PDE5A: variants seen among roughly 807,000 people sequenced by gnomAD.
PDE5A encodes the protein phosphodiesterase 5A, also known as cGMP-specific 3',5'-cyclic phosphodiesterase.
A neutral mutation model predicts 110.2 loss-of-function variants in PDE5A; 67 were observed. That is an observed-to-expected ratio of 0.61 (90% confidence interval 0.50 to 0.75). The LOEUF (loss-of-function observed/expected upper bound fraction) is 0.75, where lower values mean the gene tolerates loss of function less well. Ranked by LOEUF, PDE5A falls within the 30% of genes least tolerant of loss-of-function variation. The probability of loss-of-function intolerance (pLI) is 0.00; values close to 1 mark genes in which losing one functional copy is unlikely to be tolerated. For missense variants in PDE5A, 862 were observed against 1,045.1 expected, an observed-to-expected ratio of 0.82 and a Z score of 2.42; for synonymous variants, 328 against 351.2, an observed-to-expected ratio of 0.93 and a Z score of 0.74.
intron 3 of PDE5A, among the ~76,000 whole-genome samples, chr4:119,588,420 A>AC (rs1170245980): frequency 1.3e-5 from 2 of 149,186 alleles, no homozygotes; most frequent in Non-Finnish European, 3.0e-5. Flanking sequence ...CGAGTGATCC[A>AC]CCCCCCTTAG....
chr4:119,538,790 C>T, intron 11 of PDE5A, 170 bp downstream of exon 11: 2 of 640,920 alleles, frequency 3.1e-6, no homozygotes, highest in Non-Finnish European at 5.6e-6. Flanking sequence ...ATTACACAGT[C>T]AGTATAAGTT....
chr4:119,580,138 G>A (rs1395993528), intron 3 of PDE5A, among the ~76,000 whole-genome samples: 1 of 152,124 alleles, frequency 6.6e-6, no homozygotes, highest in Non-Finnish European at 1.5e-5. Flanking sequence ...TTCCCCACGA[G>A]GGAATGCTTG....
intron 11 of PDE5A, among the ~76,000 whole-genome samples, chr4:119,535,568 C>T (rs1012603022): frequency 1.3e-4 from 19 of 151,988 alleles, no homozygotes; most frequent in African/African-American, 3.4e-4. Flanking sequence ...ACAGGTCAGC[C>T]GGGGTCCTTT....
chr4:119,606,094 C>T (rs1052352094), intron 2 of PDE5A, among the ~76,000 whole-genome samples: 1 of 152,168 alleles, frequency 6.6e-6, no homozygotes, highest in Non-Finnish European at 1.5e-5. Context: ...TAATTAAAGA[C>T]TTGTGCATAG....
intron 1 of PDE5A, among the ~76,000 whole-genome samples, chr4:119,615,477 T>C (rs1188322286): frequency 6.6e-6 from 1 of 152,024 alleles, no homozygotes; most frequent in Admixed American, 6.6e-5. Context: ...AAGGTTGTTT[T>C]TGGTGATACA....
chr4:119,617,748 T>TA (rs1247047660), intron 1 of PDE5A, among the ~76,000 whole-genome samples: 1 of 152,178 alleles, frequency 6.6e-6, no homozygotes, highest in African/African-American at 2.4e-5. Context: ...TATCAAAGGA[T>TA]AAAAATCCTT....
chr4:119,540,458 A>G (rs1260887410), intron 10 of PDE5A, among the ~76,000 whole-genome samples: 1 of 150,402 alleles, frequency 6.6e-6, no homozygotes, highest in East Asian at 2.0e-4. Context: ...TTGATGGGTC[A>G]TGGCTATAAC....
chr4:119,576,392 G>C (rs1374628544), intron 3 of PDE5A, among the ~76,000 whole-genome samples: 2 of 152,034 alleles, frequency 1.3e-5, no homozygotes, highest in African/African-American at 4.8e-5. Context: ...ACACTCTTCA[G>C]AGCACCACAC....
At chr4:119,589,165 ATTCAGAGAAAT>A (rs1161799086) in intron 3 of PDE5A, among the ~76,000 whole-genome samples, 1 of 152,140 alleles carries the variant, frequency 6.6e-6, no homozygotes, top group Non-Finnish European at 1.5e-5. Context: ...AATTCAGAGA[ATTCAGAGAAAT>A]TTCAGAGAAA....
chr4:119,568,762 A>G (rs191539864), intron 3 of PDE5A, among the ~76,000 whole-genome samples: 1 of 152,322 alleles, frequency 6.6e-6, no homozygotes, highest in East Asian at 1.9e-4. Context: ...TTTAAGAAAG[A>G]TGAGTTTCAA....
intron 19 of PDE5A, 33 bp from the exon 20 acceptor site, chr4:119,501,286 T>C (rs200019769): frequency 8.3e-7 from 1 of 1,203,762 alleles, no homozygotes; most frequent in Non-Finnish European, 1.2e-6. Flanking sequence ...GACACACAGA[T>C]GTGCATTTAT....
At chr4:119,569,159 A>G (rs929376447) in intron 3 of PDE5A, among the ~76,000 whole-genome samples, 9 of 151,958 alleles carry the variant, frequency 5.9e-5, no homozygotes, top group Admixed American at 3.3e-4. Flanking sequence ...TCAGCTTCCA[A>G]GCAGCTGGGA....
At chr4:119,535,728 A>T (rs1726704396) in intron 11 of PDE5A, among the ~76,000 whole-genome samples, 1 of 152,176 alleles carries the variant, frequency 6.6e-6, no homozygotes, top group African/African-American at 2.4e-5. Context: ...CAGAAGTGGA[A>T]AAAATAAAGA....
intron 3 of PDE5A, among the ~76,000 whole-genome samples, chr4:119,595,613 C>T (rs2110536212): frequency 6.6e-6 from 1 of 152,278 alleles, no homozygotes; most frequent in South Asian, 2.1e-4. Flanking sequence ...TCTCCCTCCT[C>T]TGAGACAACA....
chr4:119,547,676 T>A (rs1346185769), intron 9 of PDE5A, among the ~76,000 whole-genome samples: 1 of 152,092 alleles, frequency 6.6e-6, no homozygotes, highest in African/African-American at 2.4e-5. Context: ...GTAATTTAAT[T>A]ATGACTTTTG....
chr4:119,508,720 C>T (rs1382939732), intron 15 of PDE5A, among the ~76,000 whole-genome samples: 1 of 139,582 alleles, frequency 7.2e-6, no homozygotes, highest in African/African-American at 2.6e-5. Flanking sequence ...CAGAAAATAC[C>T]TTCTGATACT....
chr4:119,580,785 A>AGC (rs1203004800), intron 3 of PDE5A, among the ~76,000 whole-genome samples: 1 of 152,272 alleles, frequency 6.6e-6, no homozygotes, highest in Non-Finnish European at 1.5e-5. Flanking sequence ...CTCTCTGCTT[A>AGC]AGTGAGAGTA....
chr4:119,628,069 C>A (rs201266024), intron 1 of PDE5A: 626 of 984,802 alleles, frequency 6.4e-4, no homozygotes, highest in Non-Finnish European at 6.9e-4. Flanking sequence ...CCCGCCCAGC[C>A]AGGGCCAGGG....
chr4:119,613,512 T>C (rs1371709609), intron 1 of PDE5A, among the ~76,000 whole-genome samples: 1 of 152,156 alleles, frequency 6.6e-6, no homozygotes, highest in South Asian at 2.1e-4. Flanking sequence ...TATATTGTGT[T>C]CAGAAGTTAT....
Sources: allele counts gnomAD v4.1 joint callset (sites outside exome capture counted in the v4.1 genomes callset), GRCh38; gene constraint gnomAD v4.1.1; transcripts MANE v1.5; gene names NCBI Gene and HGNC (gene_info 2026-07-23, HGNC 2026-07-21).